The following PRDM2 variants were observed in gnomAD, a reference collection of about 807,000 sequenced individuals.
PRDM2 encodes PR domain zinc finger protein 2.
A neutral mutation model predicts 130.0 loss-of-function variants in PRDM2; 30 were observed. The ratio of observed to expected loss-of-function variants is 0.23; its 90% CI spans 0.17 to 0.31. The LOEUF is 0.31. Among genes scored for constraint, PRDM2 ranks in the 10% least tolerant of loss-of-function variants. The probability of loss-of-function intolerance (pLI) is 1.00; values close to 1 mark genes in which losing one functional copy is unlikely to be tolerated. For missense variants in PRDM2, 2,011 were observed against 2,108.4 expected (o/e 0.95, Z 0.90); for synonymous variants, 871 against 782.4 (o/e 1.11, Z -1.89).
At chr1:13,762,681 C>G (rs1644127307) in intron 6 of PRDM2, among the ~76,000 whole-genome samples, 1 of 152,158 alleles carries the variant, frequency 6.6e-6, no homozygotes, top group African/African-American at 2.4e-5. Flanking sequence ...CCTTGGAGAC[C>G]AGCACCAAGG....
At chr1:13,811,595 TA>T (rs1645174450) in intron 8 of PRDM2, among the ~76,000 whole-genome samples, 1 of 152,094 alleles carries the variant, frequency 6.6e-6, no homozygotes, top group South Asian at 2.1e-4. Flanking sequence ...ATATTTCCTG[TA>T]CCAGGTCCTG....
chr1:13,743,287 C>T (rs1379165315), intron 5 of PRDM2, among the ~76,000 whole-genome samples: 2 of 151,046 alleles, frequency 1.3e-5, no homozygotes, highest in Non-Finnish European at 2.9e-5. Flanking sequence ...GTAGTCCCAG[C>T]TACTCGGGAG....
rs1049201115 is a variant in PRDM2 at position 13,782,048 on chromosome 1, A to G, written c.4253A>G (p.Lys1418Arg). 2.9e-5 allele frequency: 47 copies of G among 1,614,026 alleles called. No individual in the cohort carries two copies. Among genetic ancestry groups the G allele is most frequent in the Non-Finnish European group, 3.9e-5 (46 of 1,180,038 alleles). ...ELSKMSSNKLKLNALKKKNQL... is the reference protein window; with the variant it reads ...ELSKMSSNKLRLNALKKKNQL... ...AGCAAAATGTCGTCGAATAAGCTCA[A>G]ATTAAATGCATTGAAGAAAAAAAAT... Residue 1418 changes from lysine to arginine, a missense_variant, in exon 8 of 10, where the codon AAA becomes AGA. Physicochemically the swap from Lys to Arg is conservative, Grantham distance 26. Coordinates refer to ENST00000311066, the MANE Select transcript of PRDM2 (RefSeq NM_001393986.1).
At chr1:13,788,637 C>T (rs1049987667) in intron 8 of PRDM2, among the ~76,000 whole-genome samples, 1 of 152,222 alleles carries the variant, frequency 6.6e-6, no homozygotes, top group African/African-American at 2.4e-5. Context: ...ATATTCCTCC[C>T]TTAGAAAAAC....
intron 8 of PRDM2, among the ~76,000 whole-genome samples, chr1:13,802,747 A>G (rs1645027672): frequency 6.6e-6 from 1 of 152,140 alleles, no homozygotes; most frequent in South Asian, 2.1e-4. Flanking sequence ...CCAAGTTGGG[A>G]ATCTGCTTTT....
chr1:13,804,217 C>T (rs1003675971), intron 8 of PRDM2, among the ~76,000 whole-genome samples: 1 of 152,116 alleles, frequency 6.6e-6, no homozygotes, highest in African/African-American at 2.4e-5. Context: ...TGTGTTGTCC[C>T]CACTGTCCCC....
intron 9 of PRDM2, among the ~76,000 whole-genome samples, chr1:13,820,856 C>T (rs991641147): frequency 2.6e-5 from 4 of 152,088 alleles, no homozygotes; most frequent in Admixed American, 2.0e-4. Context: ...TTGCTGGCCA[C>T]GCCAGGCCAA....
intron 4 of PRDM2, among the ~76,000 whole-genome samples, chr1:13,741,689 T>C (rs1014929572): frequency 4.1e-5 from 6 of 145,768 alleles, no homozygotes; most frequent in African/African-American, 1.6e-4. Context: ...CATTTGGAGA[T>C]CCCAAGCATG....
chr1:13,781,422 C>T lies in PRDM2; in HGVS notation c.3627C>T (p.His1209=). The change falls in exon 8 of 10, where the codon CAC becomes CAT. Residue 1209 remains histidine, a synonymous_variant. Transcript: ENST00000311066. The surrounding 1 kb of genome is among the most constrained non-coding windows in gnomAD (Gnocchi z 6.1). ...EFAFLCNLQQ[H]QRDLHPDKVC... ...CTTTTTTGTGCAATTTGCAGCAGCA[C>T]CAGCGAGATCTCCACCCAGATAAGG... 6.2e-7 allele frequency: 1 copy of T among 1,614,026 alleles called. No individual in the cohort carries two copies. The highest frequency in any genetic ancestry group is 8.5e-7 in the Non-Finnish European group (1 of 1,180,040).
At chr1:13,814,173 C>G (rs532553901) in intron 8 of PRDM2, among the ~76,000 whole-genome samples, 7 of 152,192 alleles carry the variant, frequency 4.6e-5, no homozygotes, top group Non-Finnish European at 1.0e-4. Flanking sequence ...CAGGTTGGGT[C>G]TCCTGGGGCA....
Position 13,782,215 on chromosome 1 carries a change from G to T in PRDM2, c.4420G>T (p.Ala1474Ser). Residue 1474 changes from alanine (A) to serine (S), a missense_variant, in exon 8 of 10, where the codon GCC (alanine) becomes TCC (serine). Transcript: ENST00000311066. The part of the protein sequence containing the change: ...FTYIGSLNKH[A>S]AFSCPKKPLS... ...TTACATTGGAAGCCTGAATAAACACGCCGCCTTCAGCTGTCCCAAAAAACC... is the reference window on the plus strand; with the variant it reads ...TTACATTGGAAGCCTGAATAAACACTCCGCCTTCAGCTGTCCCAAAAAACC... 1 of 1,613,054 alleles carries T rather than the reference G, an allele frequency of 6.2e-7. No homozygotes were observed. Among genetic ancestry groups the T allele is most frequent in the Non-Finnish European group, 8.5e-7 (1 of 1,179,846 alleles).
At chr1:13,717,662 G>C (rs1642585292) in intron 2 of PRDM2, among the ~76,000 whole-genome samples, 1 of 146,886 alleles carries the variant, frequency 6.8e-6, no homozygotes, top group Non-Finnish European at 1.5e-5. Flanking sequence ...CAGTCAAAAA[G>C]TGGTAGCAAT....
intron 1 of PRDM2, among the ~76,000 whole-genome samples, chr1:13,715,088 G>A (rs1343610761): frequency 1.3e-5 from 2 of 152,166 alleles, no homozygotes; most frequent in African/African-American, 4.8e-5. Flanking sequence ...GGTGGCCAAT[G>A]TTAGTAAATT....
At chr1:13,817,682 G>A (rs948213147) in intron 9 of PRDM2, among the ~76,000 whole-genome samples, 2 of 151,840 alleles carry the variant, frequency 1.3e-5, no homozygotes, top group African/African-American at 2.4e-5. Flanking sequence ...ACTATAGTAC[G>A]AATAGGGCCA....
chr1:13,777,987 G>A (rs1349784504), intron 7 of PRDM2, among the ~76,000 whole-genome samples: 2 of 152,100 alleles, frequency 1.3e-5, no homozygotes, highest in South Asian at 2.1e-4. Context: ...GATATGTCTG[G>A]TAAAGAACTG....
intron 4 of PRDM2, 74 bp from the exon 5 acceptor site, chr1:13,741,931 A>T: frequency 8.0e-7 from 1 of 1,242,786 alleles, no homozygotes; most frequent in Non-Finnish European, 1.1e-6. Flanking sequence ...AATTATCCTT[A>T]AAAGTTAAAA....
rs548986377 is a variant in PRDM2 at position 13,724,130 on chromosome 1, C to T, written c.10-6870C>T. ...GGCCTGGAATACAAATGCAAATTGG[C>T]CCCTTTTGGTAACCTCACCTTGCTG... On this transcript the variant is annotated intron_variant, in intron 2 of 9. Transcript: ENST00000311066. Among the ~76,000 whole-genome samples the T allele has an allele frequency of 2.0e-5, 3 of 152,290 alleles. No homozygotes were observed. The East Asian group carries it at 5.8e-4, about 29-fold the overall frequency.
chr1:13,793,251 C>T (rs1003917938), intron 8 of PRDM2, among the ~76,000 whole-genome samples: 3 of 152,356 alleles, frequency 2.0e-5, no homozygotes, highest in Non-Finnish European at 2.9e-5. Flanking sequence ...TGCCACATGC[C>T]GTGCGCGTTA....
chr1:13,731,143 A>G, intron 3 of PRDM2, 26 bp downstream of exon 3: 3 of 1,590,602 alleles, frequency 1.9e-6, no homozygotes, highest in Non-Finnish European at 1.7e-6. Context: ...GTCACGGAGC[A>G]AGTCAGGCAG....
Sources: allele counts gnomAD v4.1 joint callset (sites outside exome capture counted in the v4.1 genomes callset), GRCh38; gene constraint gnomAD v4.1.1; non-coding constraint Gnocchi (gnomAD v3.1); transcripts MANE v1.5; gene names NCBI Gene and HGNC (gene_info 2026-07-23, HGNC 2026-07-21).